The following NLRC4 variants were observed in gnomAD, a reference collection of about 807,000 sequenced individuals.
NLRC4 encodes the protein NLR family CARD domain-containing protein 4.
NLRC4 carries 63 observed loss-of-function variants against 79.9 expected under a neutral mutation model. That is an observed-to-expected ratio of 0.79 (90% CI 0.64 to 0.97). The LOEUF (loss-of-function observed/expected upper bound fraction) is 0.97, where lower values mean the gene tolerates loss of function less well. Among genes scored for constraint, NLRC4 ranks in the 50% least tolerant of loss-of-function variants. The pLI, the probability that NLRC4 is intolerant of heterozygous loss-of-function variation, is 0.00. For synonymous variants in NLRC4, 461 were observed against 456.5 expected (o/e 1.01, Z -0.12); for missense variants, 1,074 against 1,215.2 (o/e 0.88, Z 1.73).
upstream of NLRC4, among the ~76,000 whole-genome samples, chr2:32,265,273 C>G (rs755801345): frequency 6.6e-6 from 1 of 152,044 alleles, no homozygotes; most frequent in Non-Finnish European, 1.5e-5. Context: ...CTCTGCCTCC[C>G]GGGTTCAAGC....
chr2:32,250,116 C>T lies in NLRC4; in HGVS notation c.1748G>A (p.Ser583Asn). The T allele has an allele frequency of 6.2e-7, 1 of 1,614,140 alleles. No homozygotes were observed. Among genetic ancestry groups the T allele is most frequent in the Non-Finnish European group, 8.5e-7 (1 of 1,180,018 alleles). Residue 583 changes from serine (S) to asparagine (N), a missense_variant, in exon 4 of 9, where the codon AGC becomes AAC. Transcript: ENST00000402280. This position sits in a 1 kb window ranked among gnomAD's most constrained non-coding sequence, Gnocchi z 4.9. ...QEFEAFFQGK[S>N]LYINSGNIPD... ...GATGTTCCCTGAGTTGATATATAAG[C>T]TTTTACCTTGAAAGAAAGCTTCAAA...
Position 32,250,718 on chromosome 2 carries a change from A to G in NLRC4, c.1146T>C (p.Ala382=). 6.2e-7 allele frequency: 1 copy of G among 1,614,240 alleles called. No homozygotes were observed. Among genetic ancestry groups the G allele is most frequent in the Non-Finnish European group, 8.5e-7 (1 of 1,180,034 alleles). Residue 382 remains alanine, a synonymous_variant, in exon 4 of 9, where the codon GCT becomes GCC. Coordinates refer to ENST00000402280, the MANE Select transcript of NLRC4 (RefSeq NM_001199138.2). The surrounding 1 kb of genome is among the most constrained non-coding windows in gnomAD (Gnocchi z 4.9). The stretch of plus-strand genomic sequence containing the variant: ...CCAGGCTCCGAATGAAGTCACTTGC[A>G]GCCACACCTTTATGTTTGTGTTTGT... The part of the protein sequence containing the change: ...QKNKHKHKGV[A]ASDFIRSLDH...
chr2:32,245,038 G>A (rs563900731), intron 4 of NLRC4, among the ~76,000 whole-genome samples: 3 of 151,386 alleles, frequency 2.0e-5, no homozygotes, highest in Non-Finnish European at 2.9e-5. Flanking sequence ...GACCGGGCAC[G>A]GTGGCTCATG....
At chr2:32,231,461 GT>G (rs1219432463) in intron 8 of NLRC4, among the ~76,000 whole-genome samples, 1 of 150,204 alleles carries the variant, frequency 6.7e-6, no homozygotes, top group Non-Finnish European at 1.5e-5. Context: ...GGCCATAAGA[GT>G]TTTTTTATAT....
At chr2:32,236,921 T>G (rs1262495366) in intron 6 of NLRC4, among the ~76,000 whole-genome samples, 1 of 152,190 alleles carries the variant, frequency 6.6e-6, no homozygotes, top group Non-Finnish European at 1.5e-5. Flanking sequence ...ACAATTACAT[T>G]AAATCTTAAT....
At chr2:32,229,473 C>T (rs1447580326) in intron 8 of NLRC4, among the ~76,000 whole-genome samples, 1 of 151,872 alleles carries the variant, frequency 6.6e-6, no homozygotes. Flanking sequence ...CAGCCTGGAA[C>T]AAAACAAACA....
At chr2:32,248,803 G>T (rs575347754) in intron 4 of NLRC4, among the ~76,000 whole-genome samples, 5 of 152,144 alleles carry the variant, frequency 3.3e-5, no homozygotes, top group Non-Finnish European at 5.9e-5. Flanking sequence ...AAACTCTGTC[G>T]TAACTGCCAC....
chr2:32,253,005 G>A (rs890928359), intron 2 of NLRC4, among the ~76,000 whole-genome samples: 10 of 151,658 alleles, frequency 6.6e-5, no homozygotes, highest in African/African-American at 1.7e-4. Context: ...GCGAAAGAGC[G>A]AGACTCCGTC....
At chr2:32,229,039 T>G (rs1383907814) in intron 8 of NLRC4, among the ~76,000 whole-genome samples, 3 of 152,030 alleles carry the variant, frequency 2.0e-5, no homozygotes, top group Non-Finnish European at 4.4e-5. Context: ...GTGCTGGGAT[T>G]ACAGGCATGA....
At chr2:32,259,836 C>A (rs921816443) in intron 1 of NLRC4, among the ~76,000 whole-genome samples, 1 of 151,926 alleles carries the variant, frequency 6.6e-6, no homozygotes, top group African/African-American at 2.4e-5. Flanking sequence ...CTACTCCTTT[C>A]ATTCCACACA....
upstream of NLRC4, among the ~76,000 whole-genome samples, chr2:32,265,388 C>T (rs1416939388): frequency 1.3e-5 from 2 of 152,018 alleles, no homozygotes; most frequent in East Asian, 3.9e-4. Context: ...ACCATGTTGG[C>T]CAGGCTGGTC....
At chr2:32,232,112 T>C (rs1421706258) in intron 8 of NLRC4, among the ~76,000 whole-genome samples, 1 of 152,110 alleles carries the variant, frequency 6.6e-6, no homozygotes, top group Non-Finnish European at 1.5e-5. Context: ...ATCATAGAGG[T>C]AAAGTACTAT....
At position 32,244,410 on chromosome 2, in the gene NLRC4, A is replaced by C. The variant is rs542416071; in HGVS notation, c.2258-3285T>G. 2.0e-5 allele frequency among the ~76,000 whole-genome samples: 3 copies of C among 152,280 alleles called. No individual in the cohort carries two copies. The East Asian group carries it at 5.8e-4, about 29-fold the overall frequency. On this transcript the variant is annotated intron_variant, in intron 4 of 8. Coordinates refer to ENST00000402280, the MANE Select transcript of NLRC4 (RefSeq NM_001199138.2). ...CAGCAACTTGATAAAAGACACCTAC[A>C]AGAAAACTACATTTAACATTATACT...
chr2:32,251,025 G>A lies in NLRC4; in HGVS notation c.839C>T (p.Thr280Ile), dbSNP rs1367605401. 2 of 1,614,096 alleles carry A rather than the reference G, an allele frequency of 1.2e-6. No homozygotes were observed. Among genetic ancestry groups the A allele is most frequent in the Non-Finnish European group, 1.7e-6 (2 of 1,180,048 alleles). ...CCGTATGTGCCTCAGGCACTCAGTG[G>A]TAGTGGTGACGATGACCATGTTCTT... is the stretch of plus-strand genomic sequence containing the variant. ...RFKNMVIVTT[T>I]TECLRHIRQF... Residue 280 changes from threonine to isoleucine, a missense_variant, in exon 4 of 9, where the codon ACC (threonine) becomes ATC (isoleucine). Coordinates refer to ENST00000402280, the MANE Select transcript of NLRC4 (RefSeq NM_001199138.2).
chr2:32,238,884 T>G (rs2148935446), intron 5 of NLRC4, among the ~76,000 whole-genome samples: 1 of 152,342 alleles, frequency 6.6e-6, no homozygotes, highest in Middle Eastern at 3.4e-3. Context: ...CCCCCGTTCT[T>G]AAGTCTAAAG....
intron 2 of NLRC4, among the ~76,000 whole-genome samples, chr2:32,256,028 AT>A (rs1156496395): frequency 2.6e-5 from 4 of 151,668 alleles, no homozygotes; most frequent in Non-Finnish European, 2.9e-5. Context: ...AAAAAAAAAA[AT>A]TTACAAAAAA....
intron 8 of NLRC4, among the ~76,000 whole-genome samples, chr2:32,230,914 CCAA>C (rs1686517400): frequency 6.6e-6 from 1 of 152,066 alleles, no homozygotes; most frequent in Admixed American, 6.6e-5. Context: ...CGTATCCTTG[CCAA>C]CAACACTTGT....
chr2:32,261,316 C>CCCTTTTTTTTTTTTTT, intron 1 of NLRC4, among the ~76,000 whole-genome samples: 32 of 96,906 alleles, frequency 3.3e-4, no homozygotes, highest in South Asian at 9.4e-4. Context: ...AGCCTCCCCC[C>CCCTTTTTTTTTTTTTT]TTTTGTTTTT....
chr2:32,239,053 G>A (rs185170905), intron 5 of NLRC4, among the ~76,000 whole-genome samples: 1 of 152,238 alleles, frequency 6.6e-6, no homozygotes, highest in Non-Finnish European at 1.5e-5. Context: ...GGCAGTGATA[G>A]GCGAATCACC....
Sources: allele counts gnomAD v4.1 joint callset (sites outside exome capture counted in the v4.1 genomes callset), GRCh38; gene constraint gnomAD v4.1.1; non-coding constraint Gnocchi (gnomAD v3.1); transcripts MANE v1.5; gene names NCBI Gene and HGNC (gene_info 2026-07-23, HGNC 2026-07-21).